Variants in TTC23L observed in about 807,000 individuals in gnomAD.
TTC23L encodes tetratricopeptide repeat protein 23-like.
Under a neutral mutation model 48.1 loss-of-function variants are expected in TTC23L, and 42 were observed. The observed-to-expected ratio is 0.87, with a 90% CI of 0.68 to 1.13. The LOEUF (loss-of-function observed/expected upper bound fraction) is 1.13, where lower values mean the gene tolerates loss of function less well. Ranked by LOEUF, TTC23L falls within the 50% of genes most tolerant of loss-of-function variation. The pLI, the probability that TTC23L is intolerant of heterozygous loss-of-function variation, is 0.00. For missense variants in TTC23L, 391 were observed against 421.0 expected (o/e 0.93, Z 0.62); for synonymous variants, 159 against 157.2 (o/e 1.01, Z -0.09).
chr5:34,874,303 A>G (rs1308754571), intron 8 of TTC23L, among the ~76,000 whole-genome samples: 1 of 152,238 alleles, frequency 6.6e-6, no homozygotes, highest in African/African-American at 2.4e-5. Flanking sequence ...CTCACTGGAG[A>G]AGAAATGTGA....
exon 4 of TTC23L, chr5:34,850,260 T>C: frequency 6.2e-7 from 1 of 1,613,904 alleles, no homozygotes. Flanking sequence ...TCACTGGAAA[T>C]GTGCACGAGC....
chr5:34,845,760 C>A, intron 3 of TTC23L, 87 bp downstream of exon 3: 1 of 1,285,026 alleles, frequency 7.8e-7, no homozygotes, highest in Non-Finnish European at 1.1e-6. Flanking sequence ...CAGATTGAAG[C>A]ATATGAAATA....
chr5:34,921,957 G>T, the TTC23L span: 1 of 218,650 alleles, frequency 4.6e-6, no homozygotes, highest in Non-Finnish European at 8.8e-6. Flanking sequence ...TCAGAAGTGA[G>T]ACCATTTTAG....
chr5:34,899,678 CAGG>C (rs1442816966), downstream of TTC23L, among the ~76,000 whole-genome samples: 10 of 152,178 alleles, frequency 6.6e-5, no homozygotes, highest in Admixed American at 6.5e-5. Context: ...ATCATGAAGT[CAGG>C]AGATTGAGAC....
rs182244120 is a variant in TTC23L at position 34,866,059 on chromosome 5, C to T, written c.663-833C>T. Among the ~76,000 whole-genome samples, 323 of 152,290 alleles carry T rather than the reference C, an allele frequency of 2.1e-3. 9 individuals carry two copies. Among genetic ancestry groups the T allele is most frequent in the Admixed American group, 0.019 (291 of 15,296 alleles). The stretch of plus-strand genomic sequence containing the variant: ...CATAATTACCAGAACCAGCTTTGAA[C>T]TACCCATGATCTCATTTTACCTTGC... On this transcript the variant is annotated intron_variant, in intron 6 of 10. Transcript: ENST00000505624.
At chr5:34,877,678 C>G (rs1481351033) in intron 8 of TTC23L, among the ~76,000 whole-genome samples, 1 of 152,140 alleles carries the variant, frequency 6.6e-6, no homozygotes, top group African/African-American at 2.4e-5. Flanking sequence ...CCCACCTCGG[C>G]CTCCCAAAGT....
intron 2 of TTC23L, among the ~76,000 whole-genome samples, chr5:34,841,061 TAAAA>T (rs1212233045): frequency 6.6e-6 from 1 of 151,720 alleles, no homozygotes; most frequent in South Asian, 2.1e-4. Context: ...TAAAATAAAA[TAAAA>T]AAGAAGGTTG....
At chr5:34,885,242 A>G (rs1762475208) in intron 9 of TTC23L, among the ~76,000 whole-genome samples, 1 of 152,224 alleles carries the variant, frequency 6.6e-6, no homozygotes, top group African/African-American at 2.4e-5. Flanking sequence ...TAACAGATTA[A>G]AGAATCATGA....
intron 3 of TTC23L, among the ~76,000 whole-genome samples, chr5:34,846,941 CTTGAGTCAAAGAT>C (rs1759252761): frequency 6.6e-6 from 1 of 151,724 alleles, no homozygotes; most frequent in Admixed American, 6.6e-5. Flanking sequence ...AAGTCAAAGA[CTTGAGTCAAAGAT>C]CTCAGAGCAG....
chr5:34,917,862 G>A, the TTC23L span, among the ~76,000 whole-genome samples: 2 of 152,070 alleles, frequency 1.3e-5, no homozygotes, highest in Non-Finnish European at 2.9e-5. Flanking sequence ...GAACTTTTAG[G>A]GTTGGAAGGA....
intron 8 of TTC23L, among the ~76,000 whole-genome samples, chr5:34,872,550 A>G (rs946950314): frequency 4.6e-5 from 7 of 152,212 alleles, no homozygotes; most frequent in Non-Finnish European, 1.0e-4. Context: ...TTAAAAATAT[A>G]TAGCAGTTGG....
chr5:34,915,508 G>A, the TTC23L span: 1 of 468,582 alleles, frequency 2.1e-6, no homozygotes, highest in Non-Finnish European at 3.7e-6. Context: ...AGGAAGTGAA[G>A]CCAGTCCCGC....
At chr5:34,850,983 G>T (rs1759628719) in intron 4 of TTC23L, among the ~76,000 whole-genome samples, 1 of 152,160 alleles carries the variant, frequency 6.6e-6, no homozygotes, top group Non-Finnish European at 1.5e-5. Context: ...TCTGTTCCTT[G>T]ACCAGCCATG....
At chr5:34,842,382 C>T (rs917097523) in intron 2 of TTC23L, among the ~76,000 whole-genome samples, 6 of 151,630 alleles carry the variant, frequency 4.0e-5, no homozygotes, top group African/African-American at 1.5e-4. Flanking sequence ...TGTGGAGCAC[C>T]AGATTCTGTT....
At chr5:34,887,117 A>G (rs914438428) in intron 9 of TTC23L, among the ~76,000 whole-genome samples, 1 of 152,248 alleles carries the variant, frequency 6.6e-6, no homozygotes, top group African/African-American at 2.4e-5. Context: ...GAAGCAGTCT[A>G]CATCAGGTTC....
rs370895396 is a variant in TTC23L, at chr5:34,891,243, C to T, written c.1078-5527C>T. 3.9e-5 allele frequency among the ~76,000 whole-genome samples: 6 copies of T among 152,254 alleles called. 1 individual carries two copies. The highest frequency in any genetic ancestry group is 1.4e-4 in the African/African-American group (6 of 41,556). ...TGTTTTATATTAAGAGTAATAGGTA[C>T]AGAGTATACATTACTGGAGTCTGAC... On this transcript the variant is annotated intron_variant, in intron 9 of 10. Coordinates refer to ENST00000505624, the Ensembl canonical transcript of TTC23L.
chr5:34,887,109 A>G (rs374034293), intron 9 of TTC23L, among the ~76,000 whole-genome samples: 58 of 152,364 alleles, frequency 3.8e-4, no homozygotes, highest in South Asian at 3.7e-3. Flanking sequence ...TGGAGTCAGA[A>G]GCAGTCTACA....
At chr5:34,871,292 A>G (rs10941222) in intron 8 of TTC23L, among the ~76,000 whole-genome samples, 47,237 of 151,234 alleles carry the variant, frequency 0.31, 9,160 homozygotes, top group Non-Finnish European at 0.43. Context: ...TGGAAACAAA[A>G]ATTTAAAAAA....
the TTC23L span, among the ~76,000 whole-genome samples, chr5:34,917,826 A>G: frequency 6.6e-6 from 1 of 152,120 alleles, no homozygotes; most frequent in African/African-American, 2.4e-5. Flanking sequence ...TGTCATGGAG[A>G]GCACAGAAAT....
Sources: allele counts gnomAD v4.1 joint callset (sites outside exome capture counted in the v4.1 genomes callset), GRCh38; gene constraint gnomAD v4.1.1; transcripts MANE v1.5; gene names NCBI Gene and HGNC (gene_info 2026-07-23, HGNC 2026-07-21).